The following SEMA3A variants were observed in gnomAD, a reference collection of about 807,000 sequenced individuals.
SEMA3A encodes the protein semaphorin 3A.
Under a neutral mutation model 97.9 loss-of-function variants are expected in SEMA3A, and 29 were observed. The observed-to-expected ratio is 0.30, with a 90% CI of 0.22 to 0.40. The LOEUF (loss-of-function observed/expected upper bound fraction) is 0.40. Ranked by LOEUF, SEMA3A falls within the 10% of genes least tolerant of loss-of-function variation. The probability of loss-of-function intolerance (pLI) is 1.00; values close to 1 mark genes in which losing one functional copy is unlikely to be tolerated. For missense variants in SEMA3A, 763 were observed against 951.3 expected, an observed-to-expected ratio of 0.80 and a Z score of 2.60; for synonymous variants, 321 against 323.7, an observed-to-expected ratio of 0.99 and a Z score of 0.09.
Position 84,333,893 on chromosome 7 carries a change from T to C in SEMA3A, c.-168-26601A>G, listed in dbSNP as rs1018367496. Among the ~76,000 whole-genome samples the C allele has an allele frequency of 1.6e-4, 21 of 128,210 alleles. No homozygotes were observed. In the East Asian group the frequency reaches 3.5e-3, roughly 22 times the overall value. 84.1% of individuals were successfully genotyped at this position (128,210 alleles called of 152,430 possible). On this transcript the variant is annotated intron_variant, in intron 2 of 3. Transcript: ENST00000424555. ...GAATTTGCCATTGCCAGAAATTTAA[T>C]CTGAATGCACTGAAAAGAAGAGATG...
intron 3 of SEMA3A, among the ~76,000 whole-genome samples, chr7:84,252,487 T>C (rs149427405): frequency 6.2e-4 from 95 of 152,314 alleles, no homozygotes; most frequent in African/African-American, 2.1e-3. Context: ...ACAGAGCCAT[T>C]GTTGAAAGTG....
intron 5 of SEMA3A, 115 bp from the exon 6 acceptor site, chr7:84,046,558 G>A: frequency 8.7e-7 from 1 of 1,144,016 alleles, no homozygotes; most frequent in Non-Finnish European, 1.3e-6. Context: ...GAGGAAAACT[G>A]AAATGCTCTC....
chr7:84,006,842 TATA>T (rs1371963793), intron 10 of SEMA3A, among the ~76,000 whole-genome samples: 1 of 152,118 alleles, frequency 6.6e-6, no homozygotes, highest in Non-Finnish European at 1.5e-5. Context: ...GATGAGTATA[TATA>T]AATACACACA....
intron 12 of SEMA3A, among the ~76,000 whole-genome samples, chr7:83,992,407 T>A (rs906851511): frequency 6.9e-6 from 1 of 144,506 alleles, no homozygotes; most frequent in Admixed American, 6.9e-5. Flanking sequence ...TTAATTGTGA[T>A]GTTAGGGTGT....
At chr7:84,487,589 G>A (rs958596711) in intron 1 of SEMA3A, among the ~76,000 whole-genome samples, 2 of 151,996 alleles carry the variant, frequency 1.3e-5, no homozygotes, top group African/African-American at 2.4e-5. Flanking sequence ...AAATAAAGTA[G>A]TTACTAGATA....
At chr7:84,335,459 G>A (rs1802013672) in intron 2 of SEMA3A, among the ~76,000 whole-genome samples, 1 of 152,134 alleles carries the variant, frequency 6.6e-6, no homozygotes, top group Admixed American at 6.6e-5. Flanking sequence ...ATTGTGATGG[G>A]TGTGTGAGAG....
At chr7:84,217,540 C>A (rs917434423) in intron 3 of SEMA3A, among the ~76,000 whole-genome samples, 1 of 151,958 alleles carries the variant, frequency 6.6e-6, no homozygotes, top group African/African-American at 2.4e-5. Flanking sequence ...TTTAAATGTG[C>A]TACATTTTGA....
chr7:84,277,815 C>G (rs1415506735), intron 3 of SEMA3A, among the ~76,000 whole-genome samples: 2 of 152,084 alleles, frequency 1.3e-5, no homozygotes, highest in Non-Finnish European at 2.9e-5. Context: ...GGCTGCTGCA[C>G]AGGTCTCTGA....
At chr7:84,173,582 A>AAAAAAAT (rs1797463854) in intron 1 of SEMA3A, among the ~76,000 whole-genome samples, 1 of 150,844 alleles carries the variant, frequency 6.6e-6, no homozygotes, top group African/African-American at 2.4e-5. Context: ...AAAAAAAAAA[A>AAAAAAAT]ATTTACAAAA....
intron 3 of SEMA3A, among the ~76,000 whole-genome samples, chr7:84,258,937 G>A (rs1799780278): frequency 6.6e-6 from 1 of 150,992 alleles, no homozygotes; most frequent in African/African-American, 2.4e-5. Context: ...CTGAGCTGTG[G>A]CCTTGCCATC....
chr7:84,365,633 A>T (rs910129121), intron 2 of SEMA3A, among the ~76,000 whole-genome samples: 3 of 151,472 alleles, frequency 2.0e-5, no homozygotes, highest in Admixed American at 6.6e-5. Context: ...CACATTTTTA[A>T]TATGCTGACT....
intron 1 of SEMA3A, among the ~76,000 whole-genome samples, chr7:84,430,546 G>C (rs1804951978): frequency 6.6e-6 from 1 of 151,942 alleles, no homozygotes; most frequent in Non-Finnish European, 1.5e-5. Flanking sequence ...GTTTAGACAT[G>C]TACTTTTCAA....
intron 9 of SEMA3A, among the ~76,000 whole-genome samples, chr7:84,008,542 T>C (rs559303833): frequency 1.3e-4 from 19 of 151,768 alleles, no homozygotes; most frequent in African/African-American, 4.6e-4. Context: ...ATTAGGCTTA[T>C]AGAAATGTGG....
rs771673076 is a variant in SEMA3A at position 83,977,137 on chromosome 7, T to A, written c.1712A>T (p.His571Leu). The A allele has an allele frequency of 6.4e-7, 1 of 1,556,946 alleles. No individual in the cohort carries two copies. The highest frequency in any genetic ancestry group is 8.7e-7 in the Non-Finnish European group (1 of 1,147,310). ...GDPLTHCSDL[H>L]HDNHHGHSPE... Reference sequence around the variant, plus strand: ...AGATGAAAAATGTGACTTACCATGGTGTAAGTCTGAACAGTGAGTCAGTGG... The same window carrying A: ...AGATGAAAAATGTGACTTACCATGGAGTAAGTCTGAACAGTGAGTCAGTGG... The change falls in exon 15 of 17, where the codon CAC (histidine) becomes CTC (leucine). Residue 571 changes from histidine (H) to leucine (L), a missense_variant. Transcript: ENST00000265362.
chr7:83,979,954 G>A (rs1206576626), intron 14 of SEMA3A, among the ~76,000 whole-genome samples: 2 of 151,988 alleles, frequency 1.3e-5, no homozygotes, highest in African/African-American at 4.8e-5. Context: ...TACATTCATA[G>A]CTTCTTTGAA....
intron 1 of SEMA3A, among the ~76,000 whole-genome samples, chr7:84,383,404 A>T (rs182409308): frequency 6.6e-6 from 1 of 152,294 alleles, no homozygotes; most frequent in East Asian, 1.9e-4. Flanking sequence ...GGAACTTCCA[A>T]AGTACAGTAA....
chr7:84,075,298 C>T (rs534227659), intron 4 of SEMA3A, among the ~76,000 whole-genome samples: 4 of 151,430 alleles, frequency 2.6e-5, no homozygotes, highest in Admixed American at 1.3e-4. Context: ...CTCAGCCTCC[C>T]GAGTAGCTGG....
At chr7:84,305,075 T>C (rs932403324) in intron 3 of SEMA3A, among the ~76,000 whole-genome samples, 1 of 151,980 alleles carries the variant, frequency 6.6e-6, no homozygotes, top group Admixed American at 6.6e-5. Flanking sequence ...GAAATAAATG[T>C]ATCATGGATC....
At chr7:84,182,051 T>A (rs1189268993) in intron 1 of SEMA3A, among the ~76,000 whole-genome samples, 1 of 152,118 alleles carries the variant, frequency 6.6e-6, no homozygotes, top group Non-Finnish European at 1.5e-5. Flanking sequence ...GTGTCTTCTG[T>A]TAGACAAAAG....
Sources: gnomAD v4.1 joint callset for allele counts (sites outside exome capture counted in the v4.1 genomes callset) on GRCh38, gnomAD v4.1.1 for gene constraint, MANE v1.5 for transcripts, NCBI Gene and HGNC (gene_info 2026-07-23, HGNC 2026-07-21) for gene names.